The following MICAL2 variants were observed in gnomAD, a reference collection of about 807,000 sequenced individuals.
MICAL2 encodes [F-actin]-monooxygenase MICAL2.
MICAL2 carries 77 observed loss-of-function variants against 127.3 expected under a neutral mutation model. That is an observed-to-expected ratio of 0.60 (90% confidence interval 0.50 to 0.73). The LOEUF (loss-of-function observed/expected upper bound fraction) is 0.73. Ranked by LOEUF, MICAL2 falls within the 30% of genes least tolerant of loss-of-function variation. The pLI is 0.00. For synonymous variants in MICAL2, 570 were observed against 551.1 expected, an observed-to-expected ratio of 1.03 and a Z score of -0.48; for missense variants, 1,351 against 1,434.4, an observed-to-expected ratio of 0.94 and a Z score of 0.94.
At chr11:12,254,102 A>T (rs565940559) in intron 22 of MICAL2, 1 of 152,278 alleles carries the variant, frequency 6.6e-6, no homozygotes, top group South Asian at 2.1e-4. Context: ...GGATCTCTGC[A>T]TCAGATGCTG....
chr11:12,249,323 G>A lies in MICAL2; in HGVS notation c.2847+77G>A, dbSNP rs575347005. 2.8e-4 allele frequency: 238 copies of A among 837,138 alleles called. 1 individual carries two copies. Among genetic ancestry groups the A allele is most frequent in the Middle Eastern group, 1.1e-3 (5 of 4,496 alleles). 51.9% of individuals were successfully genotyped at this position (837,138 alleles called of 1,614,324 possible). On this transcript the variant is annotated intron_variant, in intron 22 of 27. Transcript: ENST00000683283. Reference sequence around the variant, plus strand: ...ATCAGACCCACCTGCAGGGCTCTGGGAGTTAAGCGCATATGATCAGCAGCA... The same window carrying A: ...ATCAGACCCACCTGCAGGGCTCTGGAAGTTAAGCGCATATGATCAGCAGCA...
intron 22 of MICAL2, 63 bp from the exon 23 acceptor site, chr11:12,255,580 C>A: frequency 6.9e-7 from 1 of 1,449,354 alleles, no homozygotes; most frequent in Non-Finnish European, 9.6e-7. Flanking sequence ...CTTGTGTTTT[C>A]CTCCTGGGTG....
chr11:12,234,949 T>G (rs2134409066), intron 15 of MICAL2, among the ~76,000 whole-genome samples: 2 of 152,236 alleles, frequency 1.3e-5, no homozygotes, highest in East Asian at 3.9e-4. Flanking sequence ...GCATCCAAAA[T>G]GGTAGAAAGG....
intron 2 of MICAL2, among the ~76,000 whole-genome samples, chr11:12,146,656 A>G (rs1217199825): frequency 6.6e-6 from 1 of 152,234 alleles, no homozygotes; most frequent in Non-Finnish European, 1.5e-5. Flanking sequence ...CAGTGTGGCG[A>G]GTCCTCAAGG....
At chr11:12,161,731 G>A (rs938823407) in intron 2 of MICAL2, 1 of 197,426 alleles carries the variant, frequency 5.1e-6, no homozygotes, top group Non-Finnish European at 1.0e-5. Flanking sequence ...TACTTTTCTG[G>A]GTTGTTTTCC....
chr11:12,184,901 C>A (rs1258864173), intron 3 of MICAL2, among the ~76,000 whole-genome samples: 3 of 151,232 alleles, frequency 2.0e-5, no homozygotes, highest in Non-Finnish European at 4.4e-5. Flanking sequence ...GAATCATCTG[C>A]CTTGTAAGTT....
chr11:12,358,629 G>T (rs190775789), downstream of MICAL2: 5 of 670,510 alleles, frequency 7.5e-6, no homozygotes, highest in African/African-American at 1.8e-5. Context: ...TCTCTTGCAC[G>T]CATGGCAGCT....
intron 1 of MICAL2, among the ~76,000 whole-genome samples, chr11:12,121,282 G>T (rs2133470647): frequency 6.6e-6 from 1 of 152,282 alleles, no homozygotes; most frequent in South Asian, 2.1e-4. Flanking sequence ...AATAAATAGG[G>T]CAGTCGAGGT....
chr11:12,304,592 G>A (rs903080029), intron 29 of MICAL2, among the ~76,000 whole-genome samples: 1 of 151,920 alleles, frequency 6.6e-6, no homozygotes, highest in African/African-American at 2.4e-5. Context: ...CTGAGATCGT[G>A]CCATTGCACT....
Position 12,218,681 on chromosome 11 carries a change from T to C in MICAL2, c.949-1520T>C, listed in dbSNP as rs115440096. 1.9e-3 allele frequency among the ~76,000 whole-genome samples: 292 copies of C among 152,284 alleles called. 1 individual carries two copies. The highest frequency in any genetic ancestry group is 6.8e-3 in the African/African-American group (284 of 41,566). On this transcript the variant is annotated intron_variant, in intron 8 of 27. Transcript: ENST00000683283. ...ATAACAGGAATTCCATCCTGGACAC[T>C]GGGGCCTGACAAAGAGCTCTTGGAC... is the stretch of plus-strand genomic sequence containing the variant.
At chr11:12,308,886 C>T (rs1460574287) in intron 29 of MICAL2, among the ~76,000 whole-genome samples, 2 of 152,142 alleles carry the variant, frequency 1.3e-5, no homozygotes. Context: ...TTTATTAGAT[C>T]AACAAAATTT....
chr11:12,257,401 A>G (rs1382876622), intron 24 of MICAL2, among the ~76,000 whole-genome samples: 1 of 152,256 alleles, frequency 6.6e-6, no homozygotes. Context: ...TAAAATAACC[A>G]TCATAATGAT....
upstream of MICAL2, among the ~76,000 whole-genome samples, chr11:12,272,954 A>G (rs1001804491): frequency 4.6e-5 from 7 of 152,224 alleles, no homozygotes; most frequent in African/African-American, 1.2e-4. Flanking sequence ...CCTCACGTCC[A>G]TGGGGCAGGG....
intron 29 of MICAL2, among the ~76,000 whole-genome samples, chr11:12,318,865 G>T (rs560865232): frequency 1.3e-5 from 2 of 152,168 alleles, no homozygotes; most frequent in Middle Eastern, 3.2e-3. Flanking sequence ...TCTAGTTAAC[G>T]TGGGCACTTT....
At chr11:12,229,740 T>C (rs921575909) in intron 15 of MICAL2, among the ~76,000 whole-genome samples, 4 of 152,300 alleles carry the variant, frequency 2.6e-5, no homozygotes, top group East Asian at 3.9e-4. Flanking sequence ...GCTGAGGGCC[T>C]CACTCCACTT....
At chr11:12,355,428 A>C (rs1329588529) in intron 34 of MICAL2, among the ~76,000 whole-genome samples, 1 of 152,226 alleles carries the variant, frequency 6.6e-6, no homozygotes, top group Non-Finnish European at 1.5e-5. Context: ...CAACTGACAC[A>C]GTATACTGCT....
chr11:12,324,432 C>T (rs928775905), intron 31 of MICAL2, among the ~76,000 whole-genome samples: 1 of 152,236 alleles, frequency 6.6e-6, no homozygotes, highest in African/African-American at 2.4e-5. Flanking sequence ...CACCAACTCC[C>T]TGACAGTGTC....
intron 29 of MICAL2, among the ~76,000 whole-genome samples, chr11:12,302,936 T>G (rs1864064638): frequency 6.6e-6 from 1 of 152,208 alleles, no homozygotes. Context: ...GGAAAGCGAT[T>G]TAATCGAATC....
chr11:12,125,545 T>A (rs1589990795), intron 1 of MICAL2, among the ~76,000 whole-genome samples: 1 of 147,008 alleles, frequency 6.8e-6, no homozygotes, highest in Non-Finnish European at 1.5e-5. Flanking sequence ...TGAGCCACCG[T>A]GCCCGGCATC....
Sources: gnomAD v4.1 joint callset for allele counts (sites outside exome capture counted in the v4.1 genomes callset) on GRCh38, gnomAD v4.1.1 for gene constraint, MANE v1.5 for transcripts, NCBI Gene and HGNC (gene_info 2026-07-23, HGNC 2026-07-21) for gene names.